Variants in NTM observed in about 807,000 individuals in gnomAD.
NTM encodes IgLON family member 2.
In NTM, 13 loss-of-function variants were observed where a neutral mutation model predicts 42.1. The observed-to-expected ratio is 0.31, with a 90% CI of 0.20 to 0.49. NTM has a LOEUF of 0.49. NTM is among the 20% of genes least tolerant of loss of function. NTM has a pLI of 0.99. For synonymous variants in NTM, 187 were observed against 179.2 expected (o/e 1.04, Z -0.35); for missense variants, 373 against 452.8 (o/e 0.82, Z 1.60).
intron 1 of NTM, among the ~76,000 whole-genome samples, chr11:131,728,554 C>G (rs191014915): frequency 6.6e-6 from 1 of 152,132 alleles, no homozygotes; most frequent in South Asian, 2.1e-4. Flanking sequence ...GTGGAGGCTT[C>G]ATTACATAGG....
At chr11:132,277,697 C>G (rs868138976) in intron 4 of NTM, among the ~76,000 whole-genome samples, 1 of 151,970 alleles carries the variant, frequency 6.6e-6, no homozygotes, top group African/African-American at 2.4e-5. Flanking sequence ...TGAAATATGT[C>G]TAGGGAAAAT....
chr11:132,134,751 A>ATCTATATC (rs1566260080), intron 2 of NTM, among the ~76,000 whole-genome samples: 2 of 89,020 alleles, frequency 2.2e-5, no homozygotes, highest in African/African-American at 1.0e-4. Context: ...ATATATATAT[A>ATCTATATC]TATATATATC....
rs2075073893 is a variant in NTM, at chr11:132,165,181, T to G, written c.400+18667T>G. On this transcript the variant is annotated intron_variant, in intron 3 of 8. Transcript: ENST00000683400. ...GAATCTCCTCTCAAAAGTGGCACAA[T>G]GTATTCAAAATTAAACAAATCATCT... 2.6e-5 allele frequency among the ~76,000 whole-genome samples: 4 copies of G among 152,170 alleles called. No homozygotes were observed. In the South Asian group the frequency reaches 8.3e-4, roughly 31 times the overall value.
intron 1 of NTM, among the ~76,000 whole-genome samples, chr11:131,649,881 C>G (rs1049755475): frequency 1.3e-5 from 2 of 152,122 alleles, no homozygotes; most frequent in Admixed American, 6.5e-5. Flanking sequence ...CAGACTGACC[C>G]CCTTCCCACC....
intron 1 of NTM, among the ~76,000 whole-genome samples, chr11:131,769,950 C>T (rs1438130290): frequency 1.3e-5 from 2 of 152,132 alleles, no homozygotes; most frequent in African/African-American, 4.8e-5. Context: ...CCACCTTTTG[C>T]CTGAGCCCTG....
chr11:131,789,533 GAAGAAGAAGAAGAA>G (rs2090210786), intron 1 of NTM, among the ~76,000 whole-genome samples: 2 of 23,958 alleles, frequency 8.3e-5, no homozygotes, highest in African/African-American at 5.0e-4. Flanking sequence ...AGAAGAAGAA[GAAGAAGAAGAAGAA>G]AAGAAGAAGA....
intron 2 of NTM, among the ~76,000 whole-genome samples, chr11:131,919,750 G>GTATA (rs2056947927): frequency 6.6e-6 from 1 of 151,654 alleles, no homozygotes; most frequent in South Asian, 2.1e-4. Context: ...GAATATATAT[G>GTATA]TACATATGCA....
chr11:131,696,265 G>A (rs1014719627), intron 1 of NTM, among the ~76,000 whole-genome samples: 2 of 152,160 alleles, frequency 1.3e-5, no homozygotes, highest in African/African-American at 4.8e-5. Context: ...CACCCGGGGA[G>A]GCCAGCAGGA....
At chr11:131,633,706 CTTCTCT>C (rs2063966678) in intron 1 of NTM, among the ~76,000 whole-genome samples, 4 of 18,424 alleles carry the variant, frequency 2.2e-4, no homozygotes, top group African/African-American at 5.7e-4. Context: ...TCCCTCTCTC[CTTCTCT>C]CCCTCCCTCT....
chr11:131,748,030 G>A (rs1210689506), intron 1 of NTM, among the ~76,000 whole-genome samples: 1 of 152,164 alleles, frequency 6.6e-6, no homozygotes, highest in Non-Finnish European at 1.5e-5. Context: ...TTTCTTAGCA[G>A]AATCCATTAC....
At chr11:131,589,185 G>GTGTGTGTGTT (rs1555158948) in intron 1 of NTM, among the ~76,000 whole-genome samples, 31 of 151,958 alleles carry the variant, frequency 2.0e-4, no homozygotes, top group African/African-American at 7.3e-4. Flanking sequence ...GTGTGTGTGT[G>GTGTGTGTGTT]TGTGTGTGTG....
chr11:131,883,864 C>G (rs1029351319), intron 1 of NTM, among the ~76,000 whole-genome samples: 1 of 152,118 alleles, frequency 6.6e-6, no homozygotes, highest in Non-Finnish European at 1.5e-5. Flanking sequence ...TGGACAAGCC[C>G]TGCTTTTCAT....
intron 2 of NTM, among the ~76,000 whole-genome samples, chr11:132,016,803 C>CT (rs1274321196): frequency 6.6e-6 from 1 of 151,946 alleles, no homozygotes; most frequent in African/African-American, 2.4e-5. Context: ...CTTACCAACA[C>CT]TTGTTACTGT....
At chr11:131,501,880 T>C (rs1295073927) in intron 1 of NTM, among the ~76,000 whole-genome samples, 1 of 150,880 alleles carries the variant, frequency 6.6e-6, no homozygotes, top group Non-Finnish European at 1.5e-5. Flanking sequence ...TGTGTGTGAG[T>C]GTGTGTGTGT....
intron 4 of NTM, among the ~76,000 whole-genome samples, chr11:132,280,181 C>T (rs1222613089): frequency 1.3e-5 from 2 of 152,190 alleles, no homozygotes; most frequent in Non-Finnish European, 2.9e-5. Context: ...AGAAATCCTT[C>T]TGTACATATA....
At chr11:131,794,962 C>G (rs2091386795) in intron 1 of NTM, 2 of 985,206 alleles carry the variant, frequency 2.0e-6, no homozygotes, top group Admixed American at 1.2e-4. Context: ...ATGTCAGTGC[C>G]TCTCCTCACT....
intron 1 of NTM, among the ~76,000 whole-genome samples, chr11:131,762,588 A>T (rs1015711472): frequency 3.3e-5 from 5 of 152,200 alleles, no homozygotes; most frequent in African/African-American, 4.8e-5. Context: ...AGCAGGTGTG[A>T]CGGCCCTGTC....
intron 7 of NTM, among the ~76,000 whole-genome samples, chr11:132,329,222 AT>A (rs1242641598): frequency 2.6e-5 from 4 of 152,314 alleles, no homozygotes; most frequent in African/African-American, 9.6e-5. Context: ...CATCACTTTG[AT>A]GCAAAAAGCT....
At chr11:131,635,898 T>A (rs1055133601) in intron 1 of NTM, among the ~76,000 whole-genome samples, 1 of 152,206 alleles carries the variant, frequency 6.6e-6, no homozygotes, top group African/African-American at 2.4e-5. Flanking sequence ...TTGTTATATT[T>A]AGATACATGA....
Sources: allele counts gnomAD v4.1 joint callset (sites outside exome capture counted in the v4.1 genomes callset), GRCh38; gene constraint gnomAD v4.1.1; transcripts MANE v1.5; gene names NCBI Gene and HGNC (gene_info 2026-07-23, HGNC 2026-07-21).